The following GRM1 variants were observed in gnomAD, a reference collection of about 807,000 sequenced individuals.
GRM1 encodes the protein metabotropic glutamate receptor 1.
A neutral mutation model predicts 90.9 loss-of-function variants in GRM1; 33 were observed. The ratio of observed to expected loss-of-function variants is 0.36; its 90% CI spans 0.28 to 0.49. The LOEUF (loss-of-function observed/expected upper bound fraction) is 0.49. Ranked by LOEUF, GRM1 falls within the 20% of genes least tolerant of loss-of-function variation. The probability of loss-of-function intolerance (pLI) is 0.99; values close to 1 mark genes in which losing one functional copy is unlikely to be tolerated. For synonymous variants in GRM1, 700 were observed against 613.2 expected, an observed-to-expected ratio of 1.14 and a Z score of -2.09; for missense variants, 1,190 against 1,534.3, an observed-to-expected ratio of 0.78 and a Z score of 3.75.
chr6:146,283,028 C>A (rs1429846392), intron 2 of GRM1, among the ~76,000 whole-genome samples: 1 of 152,180 alleles, frequency 6.6e-6, no homozygotes, highest in East Asian at 1.9e-4. Flanking sequence ...TTGGTCTTGT[C>A]TCTTGCGCTT....
At chr6:146,165,360 A>G (rs939546209) in intron 2 of GRM1, among the ~76,000 whole-genome samples, 5 of 152,164 alleles carry the variant, frequency 3.3e-5, no homozygotes, top group Non-Finnish European at 5.9e-5. Context: ...TACTTTTTAA[A>G]AATAAAATAT....
chr6:146,367,855 G>T (rs1775751485), intron 5 of GRM1, among the ~76,000 whole-genome samples: 2 of 152,090 alleles, frequency 1.3e-5, no homozygotes, highest in Admixed American at 6.6e-5. Flanking sequence ...TTTTGCTGTT[G>T]TGAATAGTGC....
chr6:146,125,875 A>G (rs1202759404), intron 1 of GRM1, among the ~76,000 whole-genome samples: 1 of 152,160 alleles, frequency 6.6e-6, no homozygotes, highest in East Asian at 1.9e-4. Flanking sequence ...AAATCAAAAT[A>G]AACTGAAAGT....
chr6:146,051,142 C>G (rs1306855723), intron 1 of GRM1, among the ~76,000 whole-genome samples: 1 of 151,988 alleles, frequency 6.6e-6, no homozygotes. Flanking sequence ...ATCTTAGAGC[C>G]GTGTGACTTT....
chr6:146,232,536 A>C (rs2114707266), intron 2 of GRM1, among the ~76,000 whole-genome samples: 1 of 152,108 alleles, frequency 6.6e-6, no homozygotes, highest in East Asian at 1.9e-4. Flanking sequence ...CAAACAATCC[A>C]ATTATGCTCT....
At chr6:146,392,208 G>A (rs1182687309) in intron 6 of GRM1, among the ~76,000 whole-genome samples, 1 of 152,120 alleles carries the variant, frequency 6.6e-6, no homozygotes, top group African/African-American at 2.4e-5. Context: ...TGACTTGGGG[G>A]TGATAAAAAG....
chr6:146,401,248 G>A (rs373657349), intron 7 of GRM1, among the ~76,000 whole-genome samples: 6 of 152,102 alleles, frequency 3.9e-5, no homozygotes, highest in African/African-American at 4.8e-5. Flanking sequence ...AATAATGTAC[G>A]CTTACTTCTT....
chr6:146,426,206 G>A (rs1270135955), intron 7 of GRM1, among the ~76,000 whole-genome samples: 2 of 152,160 alleles, frequency 1.3e-5, no homozygotes, highest in East Asian at 1.9e-4. Context: ...AGTAGAGGGT[G>A]GGAAGAATCA....
intron 1 of GRM1, among the ~76,000 whole-genome samples, chr6:146,151,555 A>G (rs1777336032): frequency 6.6e-6 from 1 of 152,208 alleles, no homozygotes; most frequent in South Asian, 2.1e-4. Flanking sequence ...GGCAGTTCGT[A>G]CAGGTGATTA....
At chr6:146,371,170 CAT>C (rs1387834416) in intron 5 of GRM1, among the ~76,000 whole-genome samples, 2 of 152,042 alleles carry the variant, frequency 1.3e-5, no homozygotes, top group African/African-American at 4.8e-5. Context: ...TTGAGGAACT[CAT>C]AGTGTAACTG....
rs1161318627 is a variant in GRM1, at chr6:146,410,637, G to A, written c.2660+10938G>A. Reference sequence around the variant, plus strand: ...GGCCTTGGAGGTAGGGAAGGTCTACGAAGCTCTATGGACAATAGTTCCCAT... The same window carrying A: ...GGCCTTGGAGGTAGGGAAGGTCTACAAAGCTCTATGGACAATAGTTCCCAT... On this transcript the variant is annotated intron_variant, in intron 7 of 7. Coordinates refer to ENST00000282753, the MANE Select transcript of GRM1 (RefSeq NM_001278064.2). 7.2e-5 allele frequency among the ~76,000 whole-genome samples: 11 copies of A among 152,032 alleles called. No individual in the cohort carries two copies. In the East Asian group the frequency reaches 1.7e-3, roughly 24 times the overall value.
chr6:146,399,831 AT>A lies in GRM1; in HGVS notation c.2660+133del. 2.9e-6 allele frequency: 2 copies of A among 685,026 alleles called. No homozygotes were observed. Among genetic ancestry groups the A allele is most frequent in the Non-Finnish European group, 5.2e-6 (2 of 387,410 alleles). 42.4% of individuals were successfully genotyped at this position (685,026 alleles called of 1,614,324 possible). On this transcript the variant is annotated intron_variant, in intron 7 of 7. Coordinates refer to ENST00000282753, the MANE Select transcript of GRM1 (RefSeq NM_001278064.2). The surrounding 1 kb of genome is among the most constrained non-coding windows in gnomAD (Gnocchi z 5.4). ...CTGAGTTGTCTCTTCCATTTCCCCC[AT>A]GTCTTTCTCTTCCTTTCTTAATCTT...
intron 5 of GRM1, among the ~76,000 whole-genome samples, chr6:146,358,820 A>G (rs1287817946): frequency 6.6e-6 from 1 of 152,226 alleles, no homozygotes; most frequent in African/African-American, 2.4e-5. Flanking sequence ...TCAAATTCTC[A>G]GTCACTCCAG....
chr6:146,120,059 A>T (rs1267878715), intron 1 of GRM1, among the ~76,000 whole-genome samples: 1 of 152,120 alleles, frequency 6.6e-6, no homozygotes, highest in Non-Finnish European at 1.5e-5. Flanking sequence ...GATATTGATT[A>T]TTCCTATCCA....
chr6:146,400,428 C>G (rs1035953111), intron 7 of GRM1, among the ~76,000 whole-genome samples: 2 of 152,032 alleles, frequency 1.3e-5, no homozygotes, highest in Non-Finnish European at 2.9e-5. Context: ...AAAAAGGGAA[C>G]CAGGTGATAA....
At chr6:146,105,685 A>G (rs1446749710) in intron 1 of GRM1, among the ~76,000 whole-genome samples, 1 of 152,212 alleles carries the variant, frequency 6.6e-6, no homozygotes, top group Non-Finnish European at 1.5e-5. Context: ...AGCATAGTAT[A>G]TGTATTTTGT....
chr6:146,083,300 T>G (rs1683236369), intron 1 of GRM1, among the ~76,000 whole-genome samples: 1 of 152,202 alleles, frequency 6.6e-6, no homozygotes, highest in Non-Finnish European at 1.5e-5. Flanking sequence ...AGAGCATCCT[T>G]GTCTTGTACT....
intron 3 of GRM1, among the ~76,000 whole-genome samples, chr6:146,341,149 T>C (rs1404679444): frequency 1.3e-5 from 2 of 152,216 alleles, no homozygotes; most frequent in Admixed American, 1.3e-4. Context: ...TTCCTTTATG[T>C]TGAGTTAAAG....
Position 146,434,234 on chromosome 6 carries a change from C to G in GRM1, c.3023C>G (p.Ala1008Gly), listed in dbSNP as rs984835147. ...ACCCCCCTCTTCCTGGCCGAACCAG[C>G]CCTCCCCAAGGGCTTGCCCCCTCCT... is the stretch of plus-strand genomic sequence containing the variant. ...EETPLFLAEP[A>G]LPKGLPPPLQ... Residue 1008 changes from alanine to glycine, a missense_variant, in exon 8 of 8, where the codon GCC becomes GGC. Ala to Gly is a moderately conservative substitution (Grantham distance 60, BLOSUM62 0). Around this residue, in one of 10 missense-constraint regions of GRM1, gnomAD observed 400 missense variants for 360.8 expected, o/e 1.11. Coordinates refer to ENST00000282753, the MANE Select transcript of GRM1 (RefSeq NM_001278064.2). 6.2e-7 allele frequency: 1 copy of G among 1,604,622 alleles called. No individual in the cohort carries two copies. The highest frequency in any genetic ancestry group is 2.2e-5 in the East Asian group (1 of 44,748).
Sources: gnomAD v4.1 joint callset for allele counts (sites outside exome capture counted in the v4.1 genomes callset) on GRCh38, gnomAD v4.1.1 for gene constraint, gnomAD v4.1.1 regional missense constraint, Gnocchi (gnomAD v3.1) non-coding constraint, MANE v1.5 for transcripts, NCBI Gene and HGNC (gene_info 2026-07-23, HGNC 2026-07-21) for gene names.